MYO5C: variants seen among roughly 807,000 people sequenced by gnomAD.
MYO5C encodes unconventional myosin-Vc.
MYO5C carries 194 observed loss-of-function variants against 235.7 expected under a neutral mutation model. The observed-to-expected ratio is 0.82, with a 90% CI of 0.73 to 0.93. The LOEUF (loss-of-function observed/expected upper bound fraction) is 0.93. Ranked by LOEUF, MYO5C falls within the 40% of genes least tolerant of loss-of-function variation. MYO5C has a pLI of 0.00. For missense variants in MYO5C, 2,038 were observed against 2,127.2 expected (o/e 0.96, Z 0.82); for synonymous variants, 707 against 754.8 (o/e 0.94, Z 1.04).
rs200445945 is a variant in MYO5C at position 52,246,803 on chromosome 15, TA to T, written c.1979+113del. The T allele has an allele frequency of 5.2e-4, 385 of 747,564 alleles. 1 individual carries two copies. The highest frequency in any genetic ancestry group is 1.1e-3 in the South Asian group (54 of 51,302). 46.3% of individuals were successfully genotyped at this position (747,564 alleles called of 1,614,324 possible). ...AAAGGGCAGCATTGTTCTGAATCAT[TA>T]AAAAAAAACCCAGAAACAGGGTAAT... On this transcript the variant is annotated intron_variant, in intron 16 of 40. Coordinates refer to ENST00000261839, the MANE Select transcript of MYO5C (RefSeq NM_018728.4).
At chr15:52,227,361 ATT>A (rs367612324) in intron 25 of MYO5C, among the ~76,000 whole-genome samples, 6 of 137,482 alleles carry the variant, frequency 4.4e-5, no homozygotes, top group Non-Finnish European at 6.3e-5. Flanking sequence ...CGCCCGGCTA[ATT>A]TTTTTTTTTT....
chr15:52,277,015 G>A, intron 4 of MYO5C: 1 of 451,268 alleles, frequency 2.2e-6, no homozygotes, highest in South Asian at 1.6e-5. Context: ...AGAGCACAGA[G>A]CCACAGCCTC....
intron 1 of MYO5C, among the ~76,000 whole-genome samples, chr15:52,293,992 G>A (rs554792171): frequency 2.6e-5 from 4 of 152,316 alleles, no homozygotes; most frequent in Middle Eastern, 3.4e-3. Context: ...AGGTGTCTAC[G>A]TGGACACAAG....
chr15:52,202,361 A>C (rs1596132819), intron 38 of MYO5C, among the ~76,000 whole-genome samples: 1 of 152,278 alleles, frequency 6.6e-6, no homozygotes, highest in East Asian at 1.9e-4. Flanking sequence ...TGGGTGACAG[A>C]GTGAGACCCC....
At chr15:52,245,853 A>G in intron 17 of MYO5C, 103 bp downstream of exon 17, 1 of 1,078,944 alleles carries the variant, frequency 9.3e-7, no homozygotes, top group Non-Finnish European at 1.4e-6. Flanking sequence ...ACTTTACAGA[A>G]GCCAAAAGTA....
chr15:52,279,453 G>A (rs886160441), intron 3 of MYO5C, 56 bp downstream of exon 3: 24 of 1,567,866 alleles, frequency 1.5e-5, no homozygotes, highest in Admixed American at 3.5e-5. Flanking sequence ...GGAGGCTCTA[G>A]ACAGCAAGCT....
rs774872013 is a variant in MYO5C, at chr15:52,288,774, G to T, written c.28-5882C>A. 3.3e-5 allele frequency among the ~76,000 whole-genome samples: 5 copies of T among 152,188 alleles called. No individual in the cohort carries two copies. The East Asian group carries it at 9.6e-4, about 29-fold the overall frequency. On this transcript the variant is annotated intron_variant, in intron 1 of 40. Transcript: ENST00000261839. ...TCTGTGGACTGGGATGGAACAGCTC[G>T]CCAAGCCCTTCAGCGGAGCCAGGAA...
At chr15:52,240,760 A>T (rs1432031559) in intron 20 of MYO5C, among the ~76,000 whole-genome samples, 1 of 152,044 alleles carries the variant, frequency 6.6e-6, no homozygotes, top group East Asian at 1.9e-4. Flanking sequence ...AAAATGTTTT[A>T]AAAGGTGATT....
chr15:52,213,626 T>A (rs1368091015), intron 33 of MYO5C: 1 of 203,868 alleles, frequency 4.9e-6, no homozygotes, highest in Non-Finnish European at 1.0e-5. Context: ...AGAAGACTTG[T>A]GAAACATTTG....
chr15:52,192,803 A>C lies in MYO5C; in HGVS notation c.*1099T>G, dbSNP rs189751928. ...GCTGATTAGAGAGCGAAAGTAATTTAGGTTGCTTTTTCAATCTGAGGTTGT... is the reference window on the plus strand; with the variant it reads ...GCTGATTAGAGAGCGAAAGTAATTTCGGTTGCTTTTTCAATCTGAGGTTGT... On this transcript the variant is annotated 3_prime_UTR_variant, in exon 41 of 41. Transcript: ENST00000261839. 1 of 152,330 alleles carries C rather than the reference A, an allele frequency of 6.6e-6. No individual in the cohort carries two copies. The highest frequency in any genetic ancestry group is 1.9e-4 in the East Asian group (1 of 5,186). The allele number at this position is 152,330 out of a possible 1,614,324, so 9.4% of individuals were successfully genotyped here.
rs2036932138 is a variant in MYO5C, at chr15:52,271,835, C to G, written c.760G>C (p.Glu254Gln). The change falls in exon 7 of 41, where the codon GAA becomes CAA. Residue 254 changes from glutamate (E) to glutamine (Q), a missense_variant. By Grantham distance (29) the Glu-to-Gln change is conservative (BLOSUM62 2). Transcript: ENST00000261839. ...TGATAGAAAATGTGGTAATTTCGTT[C>G]ATTTTCCGACTGTAAGATAAAGAAA... ...KSRVVFQSENERNYHIFYQLC... is the reference protein window; with the variant it reads ...KSRVVFQSENQRNYHIFYQLC... 1.3e-6 allele frequency: 2 copies of G among 1,586,392 alleles called. No homozygotes were observed.
At chr15:52,237,402 C>A in intron 22 of MYO5C, 80 bp downstream of exon 22, 1 of 1,511,012 alleles carries the variant, frequency 6.6e-7, no homozygotes, top group South Asian at 1.3e-5. Flanking sequence ...AAATCCACTT[C>A]ATAGGAAAAG....
intron 12 of MYO5C, among the ~76,000 whole-genome samples, chr15:52,252,751 G>A (rs1321693482): frequency 6.6e-6 from 1 of 151,400 alleles, no homozygotes; most frequent in African/African-American, 2.4e-5. Context: ...CTCCAGCCTG[G>A]GTGATAGAGC....
At chr15:52,245,016 G>T (rs190698978) in intron 18 of MYO5C, among the ~76,000 whole-genome samples, 1 of 152,190 alleles carries the variant, frequency 6.6e-6, no homozygotes, top group Admixed American at 6.5e-5. Flanking sequence ...TCCACACAAG[G>T]CACCATGCCT....
chr15:52,245,524 G>A (rs1010227214), intron 17 of MYO5C, 59 bp from the exon 18 acceptor site: 28 of 1,191,636 alleles, frequency 2.3e-5, no homozygotes, highest in Non-Finnish European at 3.4e-5. Flanking sequence ...TGTGTCTGGG[G>A]ACTCCGCTGC....
At chr15:52,221,405 A>T in intron 29 of MYO5C, 150 bp from the exon 30 acceptor site, 1 of 564,668 alleles carries the variant, frequency 1.8e-6, no homozygotes. Flanking sequence ...CTGGATTAAC[A>T]TTTTTTTTTA....
intron 1 of MYO5C, among the ~76,000 whole-genome samples, chr15:52,284,680 G>C (rs1339485929): frequency 2.0e-5 from 3 of 152,056 alleles, no homozygotes; most frequent in Non-Finnish European, 4.4e-5. Context: ...TTGATATATG[G>C]CTTACTCAAA....
chr15:52,264,832 G>A (rs528588665), intron 8 of MYO5C, among the ~76,000 whole-genome samples: 8 of 152,314 alleles, frequency 5.3e-5, no homozygotes, highest in African/African-American at 1.7e-4. Context: ...GAGGAGCGGA[G>A]AAGGTTCCGA....
At chr15:52,235,173 A>G (rs1204118709) in intron 23 of MYO5C, among the ~76,000 whole-genome samples, 6 of 152,232 alleles carry the variant, frequency 3.9e-5, no homozygotes. Flanking sequence ...AGCAGAGGAC[A>G]TGGGTGTCAC....
Sources: gnomAD v4.1 joint callset for allele counts (sites outside exome capture counted in the v4.1 genomes callset) on GRCh38, gnomAD v4.1.1 for gene constraint, MANE v1.5 for transcripts, NCBI Gene and HGNC (gene_info 2026-07-23, HGNC 2026-07-21) for gene names.